Variants in MROH2B observed in about 807,000 individuals in gnomAD.
MROH2B encodes maestro heat like repeat family member 2B.
In MROH2B, 177 loss-of-function variants were observed where a neutral mutation model predicts 208.6. The ratio of observed to expected loss-of-function variants is 0.85; its 90% CI spans 0.75 to 0.96. The LOEUF (loss-of-function observed/expected upper bound fraction) is 0.96, where lower values mean the gene tolerates loss of function less well. MROH2B is among the 40% of genes least tolerant of loss of function. The probability of loss-of-function intolerance (pLI) is 0.00; values close to 1 mark genes in which losing one functional copy is unlikely to be tolerated. For synonymous variants in MROH2B, 728 were observed against 659.0 expected (o/e 1.10, Z -1.60); for missense variants, 2,002 against 1,878.7 (o/e 1.07, Z -1.21).
At chr5:41,049,230 A>G in intron 14 of MROH2B, 50 bp downstream of exon 14, 2 of 1,611,018 alleles carry the variant, frequency 1.2e-6, no homozygotes, top group Non-Finnish European at 8.5e-7. Flanking sequence ...CTTCCTGGAA[A>G]TGGATCCCTC....
intron 19 of MROH2B, 54 bp from the exon 20 acceptor site, chr5:41,039,609 A>G (rs1363778149): frequency 3.2e-6 from 4 of 1,239,756 alleles, no homozygotes; most frequent in African/African-American, 1.5e-5. Context: ...TTATTCAACA[A>G]ATATTTACTG....
chr5:41,018,486 T>G, intron 26 of MROH2B, 56 bp from the exon 27 acceptor site: 1 of 1,556,986 alleles, frequency 6.4e-7, no homozygotes, highest in South Asian at 1.2e-5. Context: ...TCATCTAGTT[T>G]CATATTCTCT....
rs933563945 is a variant in MROH2B at position 40,998,144 on chromosome 5, G to A, written c.4666C>T (p.Arg1556Cys). Residue 1556 changes from arginine (R) to cysteine (C), a missense_variant, in exon 42 of 42, where the codon CGT becomes TGT. By Grantham distance (180) the Arg-to-Cys change is radical. Transcript: ENST00000399564. ...TGGACACTAATACACGGATCTTGAC[G>A]AAGTGCTTGGAGTCCTGAAATGGCA... Reference protein sequence around the residue: ...EQLTTRLQALRQDPCISVQRA... With the variant: ...EQLTTRLQALCQDPCISVQRA... 8 of 1,610,906 alleles carry A rather than the reference G, an allele frequency of 5.0e-6. No individual in the cohort carries two copies. The African/African-American group carries it at 5.3e-5, about 11-fold the overall frequency.
chr5:41,014,711 G>T (rs1741880789), intron 29 of MROH2B, among the ~76,000 whole-genome samples: 2 of 152,134 alleles, frequency 1.3e-5, no homozygotes, highest in Non-Finnish European at 1.5e-5. Flanking sequence ...CTTTGCACTT[G>T]CTGTTTTCCC....
intron 6 of MROH2B, 64 bp downstream of exon 6, chr5:41,061,506 G>A: frequency 7.5e-7 from 1 of 1,334,618 alleles, no homozygotes; most frequent in South Asian, 2.0e-5. Context: ...ATGTCACAAA[G>A]AGAAGAGAAA....
In MROH2B at chr5:41,052,550, C is replaced by T. The variant is rs1367973049; in HGVS notation, c.1145G>A (p.Cys382Tyr). The change falls in exon 12 of 42, where the codon TGT becomes TAT. Residue 382 changes from cysteine to tyrosine, a missense_variant. Coordinates refer to ENST00000399564, the MANE Select transcript of MROH2B (RefSeq NM_173489.5). ...NSVLLLIQTM[C>Y]EKSYIEAREG... ...CCGAGCTTCAATATAGGACTTTTCA[C>T]ACATGGTTTGGATGAGGAGAAGAAC... The T allele has an allele frequency of 1.9e-6, 3 of 1,611,768 alleles. No homozygotes were observed. Among genetic ancestry groups the T allele is most frequent in the African/African-American group, 1.3e-5 (1 of 74,792 alleles).
Position 41,004,808 on chromosome 5 carries a change from C to A in MROH2B, c.3977G>T (p.Gly1326Val). ...NATLRQMAIR[G>V]LGNTASGAPH... Reference sequence around the variant, plus strand: ...AGCCCCGGATGCTGTGTTGCCGAGCCCTCGGATGGCCATCTGCCTCAGAGT... The same window carrying A: ...AGCCCCGGATGCTGTGTTGCCGAGCACTCGGATGGCCATCTGCCTCAGAGT... The change falls in exon 36 of 42, where the codon GGG (glycine) becomes GTG (valine). Residue 1326 changes from glycine to valine, a missense_variant. Transcript: ENST00000399564. 6.2e-7 allele frequency: 1 copy of A among 1,613,974 alleles called. No individual in the cohort carries two copies. The highest frequency in any genetic ancestry group is 1.1e-5 in the South Asian group (1 of 91,082).
intron 35 of MROH2B, 114 bp from the exon 36 acceptor site, chr5:41,005,034 G>T: frequency 4.4e-6 from 6 of 1,369,516 alleles, no homozygotes; most frequent in East Asian, 2.5e-5. Flanking sequence ...CTTGTGCAGC[G>T]GAGGAGGAAG....
chr5:41,048,480 A>G lies in MROH2B; in HGVS notation c.1543-15T>C. Reference sequence around the variant, plus strand: ...ATAGATATTACCTGAAGGATAGAAGAGAAGGAGCTCATCAATTTCAGGGGC... The same window carrying G: ...ATAGATATTACCTGAAGGATAGAAGGGAAGGAGCTCATCAATTTCAGGGGC... On this transcript the variant is annotated splice_polypyrimidine_tract_variant and intron_variant, in intron 15 of 41. Transcript: ENST00000399564. 1.3e-6 allele frequency: 2 copies of G among 1,586,354 alleles called. No individual in the cohort carries two copies. Among genetic ancestry groups the G allele is most frequent in the Non-Finnish European group, 1.7e-6 (2 of 1,170,318 alleles).
At chr5:41,044,516 G>T (rs1743058217) in intron 18 of MROH2B, among the ~76,000 whole-genome samples, 1 of 152,142 alleles carries the variant, frequency 6.6e-6, no homozygotes, top group Non-Finnish European at 1.5e-5. Context: ...CTGCCTACGG[G>T]TACCACCATT....
At chr5:41,023,764 T>G (rs1017470950) in intron 24 of MROH2B, among the ~76,000 whole-genome samples, 1 of 151,848 alleles carries the variant, frequency 6.6e-6, no homozygotes, top group Non-Finnish European at 1.5e-5. Context: ...AAGGAAAAAA[T>G]GTTAAGGCCA....
chr5:41,007,416 G>T lies in MROH2B; in HGVS notation c.3647C>A (p.Ala1216Asp). 6.3e-7 allele frequency: 1 copy of T among 1,575,494 alleles called. No individual in the cohort carries two copies. The highest frequency in any genetic ancestry group is 8.6e-7 in the Non-Finnish European group (1 of 1,160,100). Reference protein sequence around the residue: ...TATLKCLQAQAMREGLAKESD... With the variant: ...TATLKCLQAQDMREGLAKESD... ...TTCCTTTGCAAGGCCTTCTCTCATG[G>T]CTTGGGCTTGCAAACATTTTAAAGT... The change falls in exon 34 of 42, where the codon GCC becomes GAC. Residue 1216 changes from alanine (A) to aspartate (D), a missense_variant. By Grantham distance (126) the Ala-to-Asp change is moderately radical. Transcript: ENST00000399564.
intron 10 of MROH2B, among the ~76,000 whole-genome samples, chr5:41,055,209 T>C (rs531276407): frequency 9.3e-4 from 142 of 152,308 alleles, no homozygotes; most frequent in African/African-American, 3.3e-3. Flanking sequence ...TATGCAAAAA[T>C]GAATTTTTGT....
chr5:41,003,523 A>G (rs958420236), intron 37 of MROH2B, among the ~76,000 whole-genome samples: 9 of 152,204 alleles, frequency 5.9e-5, no homozygotes, highest in African/African-American at 2.2e-4. Flanking sequence ...CTTAGATTCT[A>G]TTCAATACTT....
At chr5:41,007,779 G>T (rs1365520021) in intron 33 of MROH2B, among the ~76,000 whole-genome samples, 1 of 152,222 alleles carries the variant, frequency 6.6e-6, no homozygotes, top group Non-Finnish European at 1.5e-5. Flanking sequence ...GCATCTTGCA[G>T]TAGATGTGTG....
At chr5:41,043,643 G>T (rs1364318470) in intron 18 of MROH2B, among the ~76,000 whole-genome samples, 1 of 152,188 alleles carries the variant, frequency 6.6e-6, no homozygotes, top group Non-Finnish European at 1.5e-5. Context: ...AGCATTGGGA[G>T]AAAATGTGGT....
intron 21 of MROH2B, among the ~76,000 whole-genome samples, chr5:41,035,962 A>T (rs1742743707): frequency 6.6e-6 from 1 of 152,152 alleles, no homozygotes; most frequent in Admixed American, 6.6e-5. Context: ...CAGAGCTACC[A>T]TTCCATCCAG....
chr5:41,031,078 A>T (rs958715604), intron 24 of MROH2B, among the ~76,000 whole-genome samples: 1 of 152,102 alleles, frequency 6.6e-6, no homozygotes, highest in Non-Finnish European at 1.5e-5. Context: ...AAAGACTTAA[A>T]GGAATGTATT....
chr5:41,009,301 G>A lies in MROH2B; in HGVS notation c.3399C>T (p.Ile1133=), dbSNP rs531636398. ...TCACTGAAATTGCCTCAACCCTGGC[G>A]ATGTCATCTTCTAACTCAGTCTCCA... The part of the protein sequence containing the change: ...DKLETELEDD[I]ARVEAISVAC... The change falls in exon 32 of 42, where the codon ATC becomes ATT. Residue 1133 remains isoleucine (I), a synonymous_variant. Coordinates refer to ENST00000399564, the MANE Select transcript of MROH2B (RefSeq NM_173489.5). 140 of 1,613,846 alleles carry A rather than the reference G, an allele frequency of 8.7e-5. 2 individuals carry two copies. The South Asian group carries it at 1.4e-3, about 16-fold the overall frequency.
Sources: gnomAD v4.1 joint callset for allele counts (sites outside exome capture counted in the v4.1 genomes callset) on GRCh38, gnomAD v4.1.1 for gene constraint, MANE v1.5 for transcripts, NCBI Gene and HGNC (gene_info 2026-07-23, HGNC 2026-07-21) for gene names.